Variants in ABHD17B observed in about 807,000 individuals in gnomAD.
ABHD17B encodes the protein abhydrolase domain containing 17B, depalmitoylase.
ABHD17B carries 9 observed loss-of-function variants against 26.2 expected under a neutral mutation model. The ratio of observed to expected loss-of-function variants is 0.34; its 90% CI spans 0.21 to 0.60. The LOEUF is 0.60. Among genes scored for constraint, ABHD17B ranks in the 20% least tolerant of loss-of-function variants. ABHD17B has a pLI of 0.80. For missense variants in ABHD17B, 224 were observed against 352.1 expected, an observed-to-expected ratio of 0.64 and a Z score of 2.91; for synonymous variants, 127 against 122.3, an observed-to-expected ratio of 1.04 and a Z score of -0.25.
At chr9:71,900,390 G>A (rs935663901) in intron 1 of ABHD17B, among the ~76,000 whole-genome samples, 2 of 152,082 alleles carry the variant, frequency 1.3e-5, no homozygotes, top group African/African-American at 4.8e-5. Context: ...AAGGTTCGGG[G>A]ACGGTGGCTC....
At position 71,889,290 on chromosome 9, in the gene ABHD17B, C is replaced by T. The variant is rs541077724; in HGVS notation, c.-3-14207G>A. ...CGAGATTGCACCACTGCACTCCAGC[C>T]TGGACGACAGTGCGAGACTCCGTCT... On this transcript the variant is annotated intron_variant, in intron 1 of 3. Coordinates refer to ENST00000333421, the MANE Select transcript of ABHD17B (RefSeq NM_001025780.3). Among the ~76,000 whole-genome samples the T allele has an allele frequency of 2.9e-4, 44 of 149,762 alleles. No homozygotes were observed. In the South Asian group the frequency reaches 4.0e-3, roughly 14 times the overall value.
chr9:71,899,438 A>G (rs1054479879), intron 1 of ABHD17B, among the ~76,000 whole-genome samples: 1 of 152,222 alleles, frequency 6.6e-6, no homozygotes, highest in East Asian at 1.9e-4. Flanking sequence ...ATAAGGAAGA[A>G]AGCAGGCATT....
chr9:71,867,077 T>C, intron 3 of ABHD17B, 71 bp from the exon 4 acceptor site: 1 of 1,499,330 alleles, frequency 6.7e-7, no homozygotes. Flanking sequence ...TTGTGCTATA[T>C]CAGACAGATA....
In ABHD17B at chr9:71,866,400, T is replaced by C; in HGVS notation, c.*387A>G. The C allele has an allele frequency of 1.0e-6, 1 of 985,802 alleles. No individual in the cohort carries two copies. The highest frequency in any genetic ancestry group is 1.2e-6 in the Non-Finnish European group (1 of 822,098). The allele number at this position is 985,802 out of a possible 1,614,324, so 61.1% of individuals were successfully genotyped here. A position where few individuals can be genotyped will look rare whatever the true frequency, so the allele number is the denominator to read the frequency against. ...TAGATACATAGCTTTTTTCAAAATA[T>C]TACAGTTGTATTCCAGGATAAGATT... On this transcript the variant is annotated 3_prime_UTR_variant, in exon 4 of 4. Coordinates refer to ENST00000333421, the MANE Select transcript of ABHD17B (RefSeq NM_001025780.3).
chr9:71,901,024 C>T (rs867033838), intron 1 of ABHD17B, among the ~76,000 whole-genome samples: 35 of 152,078 alleles, frequency 2.3e-4, no homozygotes, highest in Middle Eastern at 3.4e-3. Flanking sequence ...TGGTAGCGGG[C>T]GCCTGTAGTC....
intron 1 of ABHD17B, among the ~76,000 whole-genome samples, chr9:71,885,572 C>G (rs1221868623): frequency 1.3e-5 from 2 of 151,844 alleles, no homozygotes. Flanking sequence ...ACAGCAAGAG[C>G]AATTTCCTAA....
Position 71,874,966 on chromosome 9 carries a change from A to C in ABHD17B, c.115T>G (p.Cys39Gly), listed in dbSNP as rs1465530625. The C allele has an allele frequency of 1.9e-6, 3 of 1,614,056 alleles. No homozygotes were observed. The East Asian group carries it at 6.7e-5, about 36-fold the overall frequency. Residue 39 changes from cysteine (C) to glycine (G), a missense_variant, in exon 2 of 4, where the codon TGT becomes GGT. Cys to Gly is a radical substitution (Grantham distance 159). Coordinates refer to ENST00000333421, the MANE Select transcript of ABHD17B (RefSeq NM_001025780.3). ...GTCCAACGGCTTCCGCTTTCATCAC[A>C]CATCAGTGTGTAAGTTGGATCAGGT... Reference protein sequence around the residue: ...LPPDPTYTLMCDESGSRWTLH... With the variant: ...LPPDPTYTLMGDESGSRWTLH...
chr9:71,887,151 T>C (rs1160385138), intron 1 of ABHD17B, among the ~76,000 whole-genome samples: 3 of 151,994 alleles, frequency 2.0e-5, no homozygotes, highest in Non-Finnish European at 4.4e-5. Flanking sequence ...TACTGGGCAA[T>C]GTGCAAATAA....
chr9:71,909,031 T>C (rs902714813), intron 1 of ABHD17B, among the ~76,000 whole-genome samples: 3 of 152,328 alleles, frequency 2.0e-5, no homozygotes, highest in South Asian at 4.1e-4. Context: ...ATGATGTTTT[T>C]TGGTGATTTT....
At chr9:71,891,306 G>A (rs960335829) in intron 1 of ABHD17B, among the ~76,000 whole-genome samples, 1 of 152,090 alleles carries the variant, frequency 6.6e-6, no homozygotes, top group Non-Finnish European at 1.5e-5. Context: ...CTAAATGTGT[G>A]TTATTGTTTG....
At chr9:71,897,399 C>T (rs1810515488) in intron 1 of ABHD17B, among the ~76,000 whole-genome samples, 1 of 152,146 alleles carries the variant, frequency 6.6e-6, no homozygotes, top group African/African-American at 2.4e-5. Flanking sequence ...CGCCTGTGGT[C>T]CCAGCTACTC....
Position 71,911,106 on chromosome 9 carries a change from G to A in ABHD17B, c.-476C>T, listed in dbSNP as rs1444557371. ...TGCTCCTCCTCAGCCTGCCAAGCGC[G>A]AGGCTCGTTCCGGTAGCGGGAGGAA... On this transcript the variant is annotated 5_prime_UTR_variant, in exon 1 of 4. Transcript: ENST00000333421. Among the ~76,000 whole-genome samples, 2 of 152,170 alleles carry A rather than the reference G, an allele frequency of 1.3e-5. No individual in the cohort carries two copies. The highest frequency in any genetic ancestry group is 6.5e-5 in the Admixed American group (1 of 15,292).
intron 1 of ABHD17B, among the ~76,000 whole-genome samples, chr9:71,898,688 C>T (rs1827038922): frequency 6.6e-6 from 1 of 151,514 alleles, no homozygotes. Flanking sequence ...CGGGTTTAGA[C>T]ATGTGAGAAA....
At position 71,866,497 on chromosome 9, in the gene ABHD17B, T is replaced by C; in HGVS notation, c.*290A>G. ...ATGCAAAAGCATTTGGCAATACTTT[T>C]ACAGCATTTGATTTTATAGAATTAA... On this transcript the variant is annotated 3_prime_UTR_variant, in exon 4 of 4. Coordinates refer to ENST00000333421, the MANE Select transcript of ABHD17B (RefSeq NM_001025780.3). The C allele has an allele frequency of 9.1e-7, 1 of 1,104,556 alleles. No homozygotes were observed. Among genetic ancestry groups the C allele is most frequent in the Non-Finnish European group, 1.1e-6 (1 of 904,210 alleles). 68.4% of individuals were successfully genotyped at this position (1,104,556 alleles called of 1,614,324 possible).
downstream of ABHD17B, chr9:71,865,042 A>G: frequency 6.3e-6 from 3 of 477,346 alleles, no homozygotes; most frequent in Non-Finnish European, 8.2e-6. Context: ...AAAAGTGATG[A>G]TATAATTTTA....
chr9:71,893,428 G>A (rs1177855951), intron 1 of ABHD17B, among the ~76,000 whole-genome samples: 2 of 152,134 alleles, frequency 1.3e-5, no homozygotes, highest in Admixed American at 6.5e-5. Flanking sequence ...GTGTTAGAGC[G>A]ACGCACAGAA....
At chr9:71,889,308 C>G (rs919715276) in intron 1 of ABHD17B, among the ~76,000 whole-genome samples, 3 of 106,000 alleles carry the variant, frequency 2.8e-5, no homozygotes, top group Non-Finnish European at 5.9e-5. Flanking sequence ...CAGTGCGAGA[C>G]TCCGTCTAAA....
intron 1 of ABHD17B, among the ~76,000 whole-genome samples, chr9:71,885,460 CAAAA>C (rs35660801): frequency 6.5e-5 from 8 of 124,002 alleles, no homozygotes; most frequent in African/African-American, 2.2e-4. Context: ...ACTCTGTCTC[CAAAA>C]AAAAAAAAAA....
Position 71,870,186 on chromosome 9 carries a change from G to A in ABHD17B, c.544C>T (p.Arg182Ter), listed in dbSNP as rs1418324019. Residue 182 changes from arginine to a stop codon, truncating the protein, a stop_gained, in exon 3 of 4, where the codon CGA becomes TGA. Transcript: ENST00000333421. LOFTEE classifies it high-confidence loss of function. Reference sequence around the variant, plus strand: ...AGAATAACAGCAGCACTCTCATATCGAGCAGCAAGATCCACAGACGGTACT... The same window carrying A: ...AGAATAACAGCAGCACTCTCATATCAAGCAGCAAGATCCACAGACGGTACT... ...GTVPSVDLAA[R>*]YESAAVILHS... The A allele has an allele frequency of 2.5e-6, 4 of 1,613,982 alleles. No individual in the cohort carries two copies. Among genetic ancestry groups the A allele is most frequent in the Non-Finnish European group, 3.4e-6 (4 of 1,179,950 alleles).
Sources: allele counts gnomAD v4.1 joint callset (sites outside exome capture counted in the v4.1 genomes callset), GRCh38; gene constraint gnomAD v4.1.1; transcripts MANE v1.5; gene names NCBI Gene and HGNC (gene_info 2026-07-23, HGNC 2026-07-21).